The following ZC2HC1A variants were observed in gnomAD, a reference collection of about 807,000 sequenced individuals.
The protein encoded by ZC2HC1A is zinc finger C2HC-type containing 1A, also known as zinc finger C2HC domain-containing protein 1A.
ZC2HC1A carries 28 observed loss-of-function variants against 40.7 expected under a neutral mutation model. That is an observed-to-expected ratio of 0.69 (90% CI 0.51 to 0.94). The LOEUF is 0.94. Ranked by LOEUF, ZC2HC1A falls within the 40% of genes least tolerant of loss-of-function variation. ZC2HC1A has a pLI of 0.00. For missense variants in ZC2HC1A, 389 were observed against 386.3 expected (o/e 1.01, Z -0.06); for synonymous variants, 129 against 129.2 (o/e 1.00, Z 0.01).
In ZC2HC1A at chr8:78,667,205, C is replaced by T. The variant is rs539781305; in HGVS notation, c.16+1041C>T. Among the ~76,000 whole-genome samples the T allele has an allele frequency of 1.2e-3, 185 of 152,260 alleles. 1 individual carries two copies. The highest frequency in any genetic ancestry group is 4.2e-3 in the African/African-American group (176 of 41,556). On this transcript the variant is annotated intron_variant, in intron 1 of 8. Transcript: ENST00000263849. The stretch of plus-strand genomic sequence containing the variant: ...GTAACTTTTTCAGTCACCTATTCAC[C>T]AAAAAGCAGATGTAATAACATGAGT...
intron 5 of ZC2HC1A, among the ~76,000 whole-genome samples, chr8:78,695,189 A>G (rs1810358023): frequency 6.6e-6 from 1 of 152,196 alleles, no homozygotes; most frequent in Non-Finnish European, 1.5e-5. Context: ...ATATTATAGG[A>G]TATAAGTAAG....
At chr8:78,687,408 A>C (rs1242793153) in intron 4 of ZC2HC1A, among the ~76,000 whole-genome samples, 1 of 149,282 alleles carries the variant, frequency 6.7e-6, no homozygotes, top group Non-Finnish European at 1.5e-5. Context: ...CTTAGATTTT[A>C]TATGCCATAA....
Position 78,686,557 on chromosome 8 carries a change from C to T in ZC2HC1A, c.301C>T (p.Leu101Phe). 6.5e-7 allele frequency: 1 copy of T among 1,535,980 alleles called. No individual in the cohort carries two copies. Residue 101 changes from leucine (L) to phenylalanine (F), a missense_variant, in exon 4 of 9, where the codon CTC becomes TTC. Leu to Phe is a conservative substitution (Grantham distance 22). Transcript: ENST00000263849. ...IRAAKGLDQA[L>F]KEGGKLPPPP... The stretch of plus-strand genomic sequence containing the variant: ...AGCAGCTAAAGGCCTTGATCAGGCC[C>T]TCAAAGAGGGTGGCAAACTTCCTCC...
rs1811199251 is a variant in ZC2HC1A, at chr8:78,719,529, C to G, written c.*2036C>G. On this transcript the variant is annotated 3_prime_UTR_variant, in exon 9 of 9. Transcript: ENST00000263849. ...TAGTTCAGTTTTAAAAAAAATCTTC[C>G]TATGCATCATGTATTTTATTTTTAT... is the stretch of plus-strand genomic sequence containing the variant. 1 of 151,642 alleles carries G rather than the reference C, an allele frequency of 6.6e-6. No homozygotes were observed. The highest frequency in any genetic ancestry group is 2.1e-4 in the South Asian group (1 of 4,828). The allele number at this position is 151,642 out of a possible 1,614,324, so 9.4% of individuals were successfully genotyped here. A position where few individuals can be genotyped will look rare whatever the true frequency, so the allele number is the denominator to read the frequency against.
intron 3 of ZC2HC1A, among the ~76,000 whole-genome samples, chr8:78,682,535 C>T (rs974465745): frequency 8.5e-5 from 13 of 152,124 alleles, no homozygotes; most frequent in Admixed American, 5.9e-4. Context: ...ACGAGCACAA[C>T]ACAGGAAAAA....
At chr8:78,683,658 C>CT (rs1809862250) in intron 3 of ZC2HC1A, among the ~76,000 whole-genome samples, 1 of 152,130 alleles carries the variant, frequency 6.6e-6, no homozygotes, top group South Asian at 2.1e-4. Flanking sequence ...GCATTTTTCC[C>CT]TTTGTCTTGG....
intron 1 of ZC2HC1A, among the ~76,000 whole-genome samples, chr8:78,668,486 A>G (rs1809361427): frequency 6.6e-6 from 1 of 152,306 alleles, no homozygotes; most frequent in Middle Eastern, 3.4e-3. Flanking sequence ...AAACAAGAAA[A>G]TATATGGACT....
At chr8:78,695,835 G>A (rs1293166156) in intron 5 of ZC2HC1A, among the ~76,000 whole-genome samples, 2 of 152,114 alleles carry the variant, frequency 1.3e-5, no homozygotes, top group Admixed American at 6.5e-5. Flanking sequence ...ACTGCAAAAC[G>A]TGAATGCTAC....
intron 1 of ZC2HC1A, among the ~76,000 whole-genome samples, chr8:78,668,994 G>A (rs1285524356): frequency 4.6e-5 from 7 of 152,138 alleles, no homozygotes; most frequent in East Asian, 1.9e-4. Context: ...TTAGATCTTA[G>A]TACTGCCCTC....
At chr8:78,706,949 A>G (rs1029948353) in intron 7 of ZC2HC1A, among the ~76,000 whole-genome samples, 2 of 152,226 alleles carry the variant, frequency 1.3e-5, no homozygotes, top group Non-Finnish European at 2.9e-5. Flanking sequence ...TCCAAAAACA[A>G]GAGACAGGCT....
intron 3 of ZC2HC1A, among the ~76,000 whole-genome samples, chr8:78,683,553 G>C (rs929608241): frequency 6.6e-6 from 1 of 152,150 alleles, no homozygotes; most frequent in Admixed American, 6.5e-5. Flanking sequence ...CAGTAGGGGG[G>C]CCCTGGACCT....
chr8:78,712,142 C>A, intron 7 of ZC2HC1A: 1 of 1,176,162 alleles, frequency 8.5e-7, no homozygotes. Context: ...TAATATTTTT[C>A]AGATATTTCC....
intron 2 of ZC2HC1A, chr8:78,676,138 ACAAAAT>A (rs759820253): frequency 5.2e-5 from 13 of 249,694 alleles, no homozygotes; most frequent in Non-Finnish European, 6.8e-5. Context: ...AAAAAAAAAA[ACAAAAT>A]CAGATACCTT....
intron 7 of ZC2HC1A, among the ~76,000 whole-genome samples, chr8:78,708,672 C>CTTTTTTTTTTTTTTTTTTTTTTTTTTT (rs66697724): frequency 7.0e-6 from 1 of 142,574 alleles, no homozygotes. Context: ...AGATGATTAT[C>CTTTTTTTTTTTTTTTTTTTTTTTTTTT]TTTTTTTTTT....
In ZC2HC1A at chr8:78,717,701, G is replaced by C. The variant is rs1301717360; in HGVS notation, c.*208G>C. 1.7e-5 allele frequency: 6 copies of C among 353,226 alleles called. No homozygotes were observed. In the East Asian group the frequency reaches 2.7e-4, roughly 16 times the overall value. 21.9% of individuals were successfully genotyped at this position (353,226 alleles called of 1,614,324 possible). A position where few individuals can be genotyped will look rare whatever the true frequency, so the allele number is the denominator to read the frequency against. ...TATATAATAAATATCTGATACCCCA[G>C]ACTGTGTCATTCAAGGAAATATTCA... is the stretch of plus-strand genomic sequence containing the variant. On this transcript the variant is annotated 3_prime_UTR_variant, in exon 9 of 9. Coordinates refer to ENST00000263849, the MANE Select transcript of ZC2HC1A (RefSeq NM_016010.3).
intron 7 of ZC2HC1A, among the ~76,000 whole-genome samples, chr8:78,713,142 C>T (rs950904903): frequency 6.6e-6 from 1 of 151,996 alleles, no homozygotes; most frequent in African/African-American, 2.4e-5. Flanking sequence ...TTTAATTATT[C>T]ATATGAGCTG....
chr8:78,685,672 C>T lies in ZC2HC1A; in HGVS notation c.211-795C>T, dbSNP rs190236135. On this transcript the variant is annotated intron_variant, in intron 3 of 8. Transcript: ENST00000263849. ...ATTCTTAGTAATTTAAAAAGGTGCT[C>T]AGTCTCAATCATTATAAGAGAAAAT... Among the ~76,000 whole-genome samples the T allele has an allele frequency of 1.8e-3, 271 of 152,248 alleles. 1 individual carries two copies. The highest frequency in any genetic ancestry group is 6.2e-3 in the African/African-American group (257 of 41,556).
intron 8 of ZC2HC1A, among the ~76,000 whole-genome samples, chr8:78,715,555 A>G (rs1289251485): frequency 6.6e-6 from 1 of 152,172 alleles, no homozygotes; most frequent in Non-Finnish European, 1.5e-5. Context: ...TATGTGATTT[A>G]TGGGAGGAGG....
In ZC2HC1A at chr8:78,687,636, A is replaced by ATATATTTATGTAATACAT. The variant is rs1563626730; in HGVS notation, c.352+1033_352+1034insTTATGTAATACATTATAT. Among the ~76,000 whole-genome samples, 11 of 129,986 alleles carry ATATATTTATGTAATACAT rather than the reference A, an allele frequency of 8.5e-5. 1 individual carries two copies. The highest frequency in any genetic ancestry group is 7.0e-4 in the Admixed American group (8 of 11,408). The allele number at this position is 129,986 out of a possible 152,430, so 85.3% of individuals were successfully genotyped here. On this transcript the variant is annotated intron_variant, in intron 4 of 8. Transcript: ENST00000263849. ...ATTATATATATTTACGTAATACATTATATATATATTTACGTAATACATTAT... is the reference window on the plus strand; with the variant it reads ...ATTATATATATTTACGTAATACATTATATATTTATGTAATACATTATATATATTTACGTAATACATTAT...
Sources: gnomAD v4.1 joint callset for allele counts (sites outside exome capture counted in the v4.1 genomes callset) on GRCh38, gnomAD v4.1.1 for gene constraint, MANE v1.5 for transcripts, NCBI Gene and HGNC (gene_info 2026-07-23, HGNC 2026-07-21) for gene names.